Variants in DMXL1 observed in about 807,000 individuals in gnomAD.
DMXL1 encodes dmX-like protein 1.
DMXL1 carries 99 observed loss-of-function variants against 319.2 expected under a neutral mutation model. That is an observed-to-expected ratio of 0.31 (90% CI 0.26 to 0.37). The LOEUF (loss-of-function observed/expected upper bound fraction) is 0.37. DMXL1 is among the 10% of genes least tolerant of loss of function. The pLI, the probability that DMXL1 is intolerant of heterozygous loss-of-function variation, is 1.00. For missense variants in DMXL1, 3,745 were observed against 3,595.6 expected, an observed-to-expected ratio of 1.04 and a Z score of -1.06; for synonymous variants, 1,385 against 1,235.2, an observed-to-expected ratio of 1.12 and a Z score of -2.54.
chr5:119,090,626 G>C (rs566566570), intron 1 of DMXL1, among the ~76,000 whole-genome samples: 17 of 148,170 alleles, frequency 1.1e-4, no homozygotes, highest in South Asian at 4.3e-4. Context: ...GCAATGGCGC[G>C]ATCTCGGCTC....
At chr5:119,178,809 T>C (rs1282329436) in intron 28 of DMXL1, 1 of 227,098 alleles carries the variant, frequency 4.4e-6, no homozygotes, top group Non-Finnish European at 7.3e-6. Context: ...TTGAGAAGTT[T>C]CCTTTGATCA....
At chr5:119,158,865 G>A (rs946042827) in intron 19 of DMXL1, among the ~76,000 whole-genome samples, 4 of 152,144 alleles carry the variant, frequency 2.6e-5, no homozygotes, top group Non-Finnish European at 5.9e-5. Context: ...TCCTTTTATT[G>A]TGCTGTTAAT....
At chr5:119,219,518 CAA>C (rs1309230322) in intron 35 of DMXL1, among the ~76,000 whole-genome samples, 2 of 151,892 alleles carry the variant, frequency 1.3e-5, no homozygotes, top group African/African-American at 4.8e-5. Context: ...TCTTTGCTGT[CAA>C]TATCTTCCTG....
intron 1 of DMXL1, among the ~76,000 whole-genome samples, chr5:119,095,796 T>C (rs1156374512): frequency 6.6e-6 from 1 of 152,246 alleles, no homozygotes; most frequent in Non-Finnish European, 1.5e-5. Flanking sequence ...AGCCTTATGA[T>C]CCCATCATGG....
intron 21 of DMXL1, among the ~76,000 whole-genome samples, chr5:119,165,906 A>C (rs1232404632): frequency 1.3e-5 from 2 of 152,230 alleles, no homozygotes; most frequent in Non-Finnish European, 2.9e-5. Context: ...AAACCATATC[A>C]GGTAACTAAA....
At chr5:119,077,447 G>C (rs545510890) in intron 1 of DMXL1, among the ~76,000 whole-genome samples, 1 of 118,708 alleles carries the variant, frequency 8.4e-6, no homozygotes, top group Non-Finnish European at 1.8e-5. Flanking sequence ...TGATTTAGAA[G>C]TTTCATGTAT....
intron 19 of DMXL1, among the ~76,000 whole-genome samples, chr5:119,164,005 C>A (rs1581104511): frequency 1.3e-5 from 2 of 152,214 alleles, no homozygotes; most frequent in Middle Eastern, 3.4e-3. Flanking sequence ...GCCACCGCAC[C>A]CTGCTAGAGC....
Position 119,111,117 on chromosome 5 carries a change from C to T in DMXL1, c.497+834C>T, listed in dbSNP as rs549925931. Among the ~76,000 whole-genome samples, 27 of 152,248 alleles carry T rather than the reference C, an allele frequency of 1.8e-4. No homozygotes were observed. In the South Asian group the frequency reaches 5.4e-3, roughly 30 times the overall value. ...AGATAGTCTTTTATAGCAGGGAAAA[C>T]TAGCTAGCTCTGTAGACGGGAAATT... On this transcript the variant is annotated intron_variant, in intron 5 of 43. Coordinates refer to ENST00000539542, the MANE Select transcript of DMXL1 (RefSeq NM_001290321.3).
intron 1 of DMXL1, among the ~76,000 whole-genome samples, chr5:119,093,352 T>G (rs1202069810): frequency 6.6e-6 from 1 of 152,164 alleles, no homozygotes; most frequent in South Asian, 2.1e-4. Context: ...GCCAGGCTGG[T>G]CTTGAACTCC....
intron 42 of DMXL1, among the ~76,000 whole-genome samples, chr5:119,240,768 C>G (rs1788626749): frequency 6.6e-6 from 1 of 152,198 alleles, no homozygotes; most frequent in Non-Finnish European, 1.5e-5. Flanking sequence ...TATGTCCCCT[C>G]TTACCACTCC....
intron 9 of DMXL1, among the ~76,000 whole-genome samples, chr5:119,122,167 C>T (rs1212363061): frequency 4.8e-5 from 6 of 124,382 alleles, no homozygotes; most frequent in South Asian, 5.8e-4. Flanking sequence ...CCAGACGGGG[C>T]GGCTGGCCGG....
chr5:119,150,478 TA>T lies in DMXL1; in HGVS notation c.4594+60del, dbSNP rs1172747992. 25 of 1,501,422 alleles carry T rather than the reference TA, an allele frequency of 1.7e-5. No homozygotes were observed. In the East Asian group the frequency reaches 5.7e-4, roughly 34 times the overall value. 93.0% of individuals were successfully genotyped at this position (1,501,422 alleles called of 1,614,324 possible). A position where few individuals can be genotyped will look rare whatever the true frequency, so the allele number is the denominator to read the frequency against. ...TACTTACTTTCACAGAAAATAATTTTAAATAATTTTTATTAAAATGATGCCA... is the reference window on the plus strand; with the variant it reads ...TACTTACTTTCACAGAAAATAATTTTAATAATTTTTATTAAAATGATGCCA... On this transcript the variant is annotated intron_variant, in intron 18 of 43. Transcript: ENST00000539542.
intron 9 of DMXL1, among the ~76,000 whole-genome samples, chr5:119,125,087 C>G (rs1035508927): frequency 6.6e-6 from 1 of 152,090 alleles, no homozygotes; most frequent in African/African-American, 2.4e-5. Flanking sequence ...CCGTTTAAAT[C>G]TGTTACTGTT....
At chr5:119,154,322 C>T (rs1770520470) in intron 19 of DMXL1, among the ~76,000 whole-genome samples, 1 of 152,224 alleles carries the variant, frequency 6.6e-6, no homozygotes, top group Non-Finnish European at 1.5e-5. Context: ...TTGTGCCAAA[C>T]AGTTTACCAA....
chr5:119,145,097 C>T (rs1768221635), intron 15 of DMXL1, among the ~76,000 whole-genome samples: 1 of 151,770 alleles, frequency 6.6e-6, no homozygotes, highest in South Asian at 2.1e-4. Context: ...TACATGAAGG[C>T]ACACTGAGTA....
At chr5:119,121,329 A>G (rs181476948) in intron 9 of DMXL1, among the ~76,000 whole-genome samples, 190 bp downstream of exon 9, 1 of 148,490 alleles carries the variant, frequency 6.7e-6, no homozygotes, top group Admixed American at 6.8e-5. Context: ...TTTCTTGCAG[A>G]GGGAGGTTTG....
In DMXL1 at chr5:119,133,831, A is replaced by T; in HGVS notation, c.1907A>T (p.His636Leu). Residue 636 changes from histidine to leucine, a missense_variant, in exon 12 of 44, where the codon CAT becomes CTT. His to Leu is a moderately conservative substitution (Grantham distance 99). Transcript: ENST00000539542. ...SISHKSRYCG[H>L]RFHLNDLACH... ...TCCCACAAATCCAGATATTGTGGTC[A>T]TCGTTTTCATCTTAATGATTTAGCT... is the stretch of plus-strand genomic sequence containing the variant. 1 of 1,613,972 alleles carries T rather than the reference A, an allele frequency of 6.2e-7. No homozygotes were observed. Among genetic ancestry groups the T allele is most frequent in the East Asian group, 2.2e-5 (1 of 44,900 alleles).
At position 119,248,982 on chromosome 5, in the gene DMXL1, A is replaced by AC. The variant is rs2150784847; in HGVS notation, c.*1763_*1764insC. ...CTTCCAATGAGATAAAATATTTACT[A>AC]TTATGCTTATTAGAACAAAAGGTGT... On this transcript the variant is annotated 3_prime_UTR_variant, in exon 44 of 44. Coordinates refer to ENST00000539542, the MANE Select transcript of DMXL1 (RefSeq NM_001290321.3). The AC allele has an allele frequency of 6.5e-6, 1 of 152,674 alleles. No homozygotes were observed. The highest frequency in any genetic ancestry group is 1.9e-4 in the East Asian group (1 of 5,192). The allele number at this position is 152,674 out of a possible 1,614,324, so 9.5% of individuals were successfully genotyped here. A position where few individuals can be genotyped will look rare whatever the true frequency, so the allele number is the denominator to read the frequency against.
Position 119,133,040 on chromosome 5 carries a change from C to T in DMXL1, c.1316-92C>T, listed in dbSNP as rs975314672. ...ATGCTCTCCTTAGGCATGAGATCTC[C>T]ATGTGTTCAGCTATCCAGAAGCTCG... On this transcript the variant is annotated intron_variant, in intron 10 of 43. Coordinates refer to ENST00000539542, the MANE Select transcript of DMXL1 (RefSeq NM_001290321.3). The T allele has an allele frequency of 2.8e-6, 4 of 1,408,232 alleles. No homozygotes were observed. The African/African-American group carries it at 5.7e-5, about 20-fold the overall frequency. 87.2% of individuals were successfully genotyped at this position (1,408,232 alleles called of 1,614,324 possible).
Sources: allele counts gnomAD v4.1 joint callset (sites outside exome capture counted in the v4.1 genomes callset), GRCh38; gene constraint gnomAD v4.1.1; transcripts MANE v1.5; gene names NCBI Gene and HGNC (gene_info 2026-07-23, HGNC 2026-07-21).